SBF2: variants seen among roughly 807,000 people sequenced by gnomAD.
SBF2 encodes myotubularin-related protein 13.
A neutral mutation model predicts 225.2 loss-of-function variants in SBF2; 112 were observed. That is an observed-to-expected ratio of 0.50 (90% confidence interval 0.43 to 0.58). The LOEUF (loss-of-function observed/expected upper bound fraction) is 0.58, where lower values mean the gene tolerates loss of function less well. SBF2 is among the 20% of genes least tolerant of loss of function. The pLI is 0.00. For synonymous variants in SBF2, 763 were observed against 773.3 expected (o/e 0.99, Z 0.22); for missense variants, 1,996 against 2,206.2 (o/e 0.90, Z 1.91).
chr11:10,238,954 G>A (rs1022460160), intron 1 of SBF2, among the ~76,000 whole-genome samples: 19 of 150,506 alleles, frequency 1.3e-4, no homozygotes, highest in African/African-American at 4.6e-4. Context: ...AATAGTGGAC[G>A]ATGTTAACGT....
At chr11:9,841,661 C>T (rs1024878408) in intron 25 of SBF2, among the ~76,000 whole-genome samples, 5 of 152,000 alleles carry the variant, frequency 3.3e-5, no homozygotes, top group Admixed American at 3.3e-4. Context: ...GCCTCCTGAG[C>T]AGTAGGGACT....
At chr11:10,176,368 C>G (rs1450990041) in intron 2 of SBF2, among the ~76,000 whole-genome samples, 1 of 151,520 alleles carries the variant, frequency 6.6e-6, no homozygotes, top group Non-Finnish European at 1.5e-5. Flanking sequence ...AATAGAGACA[C>G]AAAAAACCCT....
At position 10,012,333 on chromosome 11, in the gene SBF2, G is replaced by A. The variant is rs560473126; in HGVS notation, c.620-9644C>T. On this transcript the variant is annotated intron_variant, in intron 6 of 39. Transcript: ENST00000256190. ...CTAGTTTTTTATTTTGTAGAGATGA[G>A]TTCTCACTATGTTTCTCAGGCCGGT... is the stretch of plus-strand genomic sequence containing the variant. 4.6e-5 allele frequency among the ~76,000 whole-genome samples: 7 copies of A among 152,198 alleles called. No homozygotes were observed. The South Asian group carries it at 1.2e-3, about 27-fold the overall frequency.
At chr11:9,805,912 C>T (rs757909914) in intron 32 of SBF2, among the ~76,000 whole-genome samples, 19 of 152,288 alleles carry the variant, frequency 1.2e-4, no homozygotes, top group South Asian at 6.2e-4. Flanking sequence ...TGAGCCACCA[C>T]GCCCGACCAG....
intron 2 of SBF2, among the ~76,000 whole-genome samples, chr11:10,175,971 A>G (rs1956444036): frequency 6.8e-6 from 1 of 146,312 alleles, no homozygotes; most frequent in Non-Finnish European, 1.5e-5. Context: ...CAACGAGAAC[A>G]AAGACACAAC....
At chr11:10,118,796 T>C (rs1651735121) in intron 2 of SBF2, among the ~76,000 whole-genome samples, 1 of 151,598 alleles carries the variant, frequency 6.6e-6, no homozygotes, top group Non-Finnish European at 1.5e-5. Context: ...CATTAGAAAA[T>C]CTCAAACATT....
At chr11:10,004,062 A>C (rs879934765) in intron 6 of SBF2, among the ~76,000 whole-genome samples, 1 of 152,156 alleles carries the variant, frequency 6.6e-6, no homozygotes, top group Admixed American at 6.5e-5. Context: ...CATGTGATAC[A>C]TCAGAATTTT....
intron 2 of SBF2, among the ~76,000 whole-genome samples, chr11:10,137,334 A>C (rs183526818): frequency 6.6e-6 from 1 of 152,212 alleles, no homozygotes; most frequent in African/African-American, 2.4e-5. Flanking sequence ...AATGATGTCA[A>C]CTACAAACAG....
At chr11:10,111,600 G>T (rs1952849413) in intron 2 of SBF2, among the ~76,000 whole-genome samples, 2 of 152,370 alleles carry the variant, frequency 1.3e-5, no homozygotes, top group Non-Finnish European at 2.9e-5. Flanking sequence ...ACTTGGCTGG[G>T]TGCAGTGGCT....
chr11:9,801,570 CA>C (rs1376722295), intron 32 of SBF2, among the ~76,000 whole-genome samples: 1 of 152,180 alleles, frequency 6.6e-6, no homozygotes, highest in East Asian at 1.9e-4. Context: ...TATGGTTAAA[CA>C]GACCCTAGGA....
chr11:9,976,004 C>T, intron 13 of SBF2, among the ~76,000 whole-genome samples: 1 of 150,742 alleles, frequency 6.6e-6, no homozygotes, highest in East Asian at 1.9e-4. Flanking sequence ...CTATTTGGTT[C>T]AATGCTGGGC....
chr11:9,974,312 T>A (rs1450906650), intron 13 of SBF2, among the ~76,000 whole-genome samples: 1 of 152,082 alleles, frequency 6.6e-6, no homozygotes, highest in East Asian at 1.9e-4. Context: ...AGAGTAGGTG[T>A]CTTGTGTATT....
At chr11:10,091,453 A>C (rs1048161207) in intron 2 of SBF2, among the ~76,000 whole-genome samples, 3 of 152,186 alleles carry the variant, frequency 2.0e-5, no homozygotes, top group African/African-American at 7.2e-5. Context: ...GCTTGTCACC[A>C]TAACAACTGA....
chr11:10,078,620 G>GAACA (rs1377144500), intron 2 of SBF2, among the ~76,000 whole-genome samples: 1 of 151,878 alleles, frequency 6.6e-6, no homozygotes. Flanking sequence ...CACACATCAG[G>GAACA]GCCTATCGGG....
intron 16 of SBF2, among the ~76,000 whole-genome samples, chr11:9,950,199 T>G (rs185193550): frequency 6.6e-6 from 1 of 152,086 alleles, no homozygotes; most frequent in Non-Finnish European, 1.5e-5. Flanking sequence ...GGAGACACTT[T>G]AGAGGGCATT....
intron 2 of SBF2, among the ~76,000 whole-genome samples, chr11:10,113,416 T>G (rs1952974566): frequency 6.6e-6 from 1 of 152,166 alleles, no homozygotes; most frequent in African/African-American, 2.4e-5. Flanking sequence ...AACAAACTTG[T>G]TTCATCTGAT....
At chr11:9,910,561 T>C (rs990450801) in intron 16 of SBF2, among the ~76,000 whole-genome samples, 4 of 152,100 alleles carry the variant, frequency 2.6e-5, no homozygotes, top group African/African-American at 9.7e-5. Context: ...GACAGCTCCA[T>C]GTGTGTTACT....
intron 17 of SBF2, among the ~76,000 whole-genome samples, chr11:9,867,031 C>CA (rs552662543): frequency 6.6e-6 from 1 of 151,956 alleles, no homozygotes; most frequent in East Asian, 1.9e-4. Flanking sequence ...GAGATGGGTA[C>CA]AAAAAAATAG....
chr11:9,973,853 A>G (rs1458427041), intron 13 of SBF2, among the ~76,000 whole-genome samples: 1 of 152,222 alleles, frequency 6.6e-6, no homozygotes, highest in Non-Finnish European at 1.5e-5. Context: ...TTTCCTATGT[A>G]TTGGTCTCAG....
Sources: allele counts gnomAD v4.1 joint callset (sites outside exome capture counted in the v4.1 genomes callset), GRCh38; gene constraint gnomAD v4.1.1; transcripts MANE v1.5; gene names NCBI Gene and HGNC (gene_info 2026-07-23, HGNC 2026-07-21).